The following INPP5A variants were observed in gnomAD, a reference collection of about 807,000 sequenced individuals.
INPP5A encodes the protein inositol polyphosphate-5-phosphatase A.
A neutral mutation model predicts 65.2 loss-of-function variants in INPP5A; 14 were observed. That is an observed-to-expected ratio of 0.21 (90% CI 0.14 to 0.34). INPP5A has a LOEUF of 0.34. Among genes scored for constraint, INPP5A ranks in the 10% least tolerant of loss-of-function variants. The pLI is 1.00. For synonymous variants in INPP5A, 207 were observed against 208.3 expected (o/e 0.99, Z 0.05); for missense variants, 431 against 545.6 (o/e 0.79, Z 2.09).
At chr10:132,573,136 A>C (rs2071369326) in intron 1 of INPP5A, among the ~76,000 whole-genome samples, 1 of 103,218 alleles carries the variant, frequency 9.7e-6, no homozygotes. Flanking sequence ...GGTTTTGTTG[A>C]GATGTTGGGG....
At chr10:132,716,169 C>G (rs1428488839) in intron 8 of INPP5A, among the ~76,000 whole-genome samples, 1 of 152,230 alleles carries the variant, frequency 6.6e-6, no homozygotes. Context: ...CCTGCACGTT[C>G]TCCGCATGTT....
At chr10:132,561,764 C>G (rs961779078) in intron 1 of INPP5A, among the ~76,000 whole-genome samples, 4 of 122,564 alleles carry the variant, frequency 3.3e-5, no homozygotes, top group Non-Finnish European at 5.2e-5. Flanking sequence ...ACACACACAA[C>G]CCTGCTGGAA....
chr10:132,747,675 G>T (rs1723020382), intron 9 of INPP5A, among the ~76,000 whole-genome samples: 1 of 152,250 alleles, frequency 6.6e-6, no homozygotes, highest in Admixed American at 6.5e-5. Flanking sequence ...CCCTTTCAGG[G>T]AGAAATTTTT....
intron 1 of INPP5A, among the ~76,000 whole-genome samples, chr10:132,606,034 T>G (rs959399617): frequency 5.3e-5 from 8 of 152,126 alleles, no homozygotes; most frequent in African/African-American, 1.9e-4. Flanking sequence ...CTGGAGCGCG[T>G]GTTACTGGGG....
In INPP5A at chr10:132,558,964, C is replaced by T. The variant is rs529174804; in HGVS notation, c.75+20793C>T. 2.6e-4 allele frequency among the ~76,000 whole-genome samples: 39 copies of T among 152,320 alleles called. No individual in the cohort carries two copies. The East Asian group carries it at 7.0e-3, about 27-fold the overall frequency. The stretch of plus-strand genomic sequence containing the variant: ...CTCTGCTCACGGTGCCCACCCTGGT[C>T]GAGCCCAGCCAGCTGGAGCCTTCCT... On this transcript the variant is annotated intron_variant, in intron 1 of 15. Coordinates refer to ENST00000368594, the MANE Select transcript of INPP5A (RefSeq NM_005539.5).
intron 1 of INPP5A, among the ~76,000 whole-genome samples, chr10:132,558,818 C>G (rs1250153696): frequency 6.6e-6 from 1 of 152,252 alleles, no homozygotes; most frequent in Non-Finnish European, 1.5e-5. Context: ...TTGAAGCCGG[C>G]AGTCGCCTTG....
At chr10:132,713,012 TG>T (rs1376189197) in intron 8 of INPP5A, among the ~76,000 whole-genome samples, 1 of 147,926 alleles carries the variant, frequency 6.8e-6, no homozygotes, top group Non-Finnish European at 1.5e-5. Flanking sequence ...GCATGTGTGC[TG>T]GGGTGTATGT....
intron 13 of INPP5A, among the ~76,000 whole-genome samples, chr10:132,778,282 A>ATTTTT (rs1258791183): frequency 4.9e-5 from 3 of 61,746 alleles, no homozygotes; most frequent in Non-Finnish European, 1.1e-4. Context: ...ATTTCCTGTG[A>ATTTTT]TTTTTTTTTT....
rs149101292 is a variant in INPP5A at position 132,740,714 on chromosome 10, A to G, written c.733-8803A>G. ...GTATAACCCTTCTTTATTTCTAGAC[A>G]TGTTTCTGGTTAAAATTTAACCAAA... is the stretch of plus-strand genomic sequence containing the variant. On this transcript the variant is annotated intron_variant, in intron 9 of 15. Transcript: ENST00000368594. Among the ~76,000 whole-genome samples the G allele has an allele frequency of 3.9e-5, 6 of 152,268 alleles. No homozygotes were observed. The East Asian group carries it at 1.2e-3, about 29-fold the overall frequency.
chr10:132,765,738 A>G (rs1846830379), intron 11 of INPP5A, 35 bp from the exon 12 acceptor site: 1 of 1,386,868 alleles, frequency 7.2e-7, no homozygotes. Context: ...AGGAAAACCA[A>G]TGTGACTTTA....
At chr10:132,642,970 G>C (rs2072446036) in intron 2 of INPP5A, among the ~76,000 whole-genome samples, 1 of 152,206 alleles carries the variant, frequency 6.6e-6, no homozygotes, top group Non-Finnish European at 1.5e-5. Context: ...TACAAAGCAG[G>C]TGTTGCCAGG....
Position 132,705,457 on chromosome 10 carries a change from G to A in INPP5A, c.475-2856G>A, listed in dbSNP as rs912383918. On this transcript the variant is annotated intron_variant, in intron 6 of 15. Transcript: ENST00000368594. This position sits in a 1 kb window ranked among gnomAD's most constrained non-coding sequence, Gnocchi z 4.9. ...TTGTTTGGCAAGCAGGGCAGCCTGA[G>A]CACAGCAGGGGATGTGGGCTCAGTA... 2.6e-5 allele frequency among the ~76,000 whole-genome samples: 4 copies of A among 152,234 alleles called. No individual in the cohort carries two copies. Among genetic ancestry groups the A allele is most frequent in the Non-Finnish European group, 5.9e-5 (4 of 68,034 alleles).
intron 6 of INPP5A, 66 bp from the exon 7 acceptor site, chr10:132,708,247 G>A: frequency 2.8e-6 from 4 of 1,424,546 alleles, no homozygotes; most frequent in South Asian, 2.3e-5. Context: ...CTTTAGGTGT[G>A]TGGGACCCAC....
Position 132,749,562 on chromosome 10 carries a change from A to G in INPP5A, c.778A>G (p.Thr260Ala). ...ATMQTVRAADTNEVVKLIFRE... is the reference protein window; with the variant it reads ...ATMQTVRAADANEVVKLIFRE... ...CATGCAGACGGTCCGGGCCGCCGAC[A>G]CCAATGAAGTGGTGAAGCTCATATT... is the stretch of plus-strand genomic sequence containing the variant. The change falls in exon 10 of 16, where the codon ACC (threonine) becomes GCC (alanine). Residue 260 changes from threonine (T) to alanine (A), a missense_variant. Coordinates refer to ENST00000368594, the MANE Select transcript of INPP5A (RefSeq NM_005539.5). 1 of 1,613,020 alleles carries G rather than the reference A, an allele frequency of 6.2e-7. No homozygotes were observed. The highest frequency in any genetic ancestry group is 8.5e-7 in the Non-Finnish European group (1 of 1,180,014).
intron 2 of INPP5A, among the ~76,000 whole-genome samples, chr10:132,609,103 G>A (rs2071905232): frequency 6.6e-6 from 1 of 152,234 alleles, no homozygotes; most frequent in East Asian, 1.9e-4. Flanking sequence ...TGTGTGCTTA[G>A]CACCTATGTG....
chr10:132,667,923 A>C (rs912171996), intron 4 of INPP5A, among the ~76,000 whole-genome samples: 12 of 152,220 alleles, frequency 7.9e-5, no homozygotes, highest in African/African-American at 2.4e-4. Context: ...GCCGCCATGC[A>C]CCAATTCTCC....
Position 132,549,904 on chromosome 10 carries a change from G to A in INPP5A, c.75+11733G>A, listed in dbSNP as rs145027349. 0.019 allele frequency among the ~76,000 whole-genome samples: 2,874 copies of A among 150,436 alleles called. 80 individuals carry two copies. The highest frequency in any genetic ancestry group is 0.065 in the African/African-American group (2,649 of 40,538). On this transcript the variant is annotated intron_variant, in intron 1 of 15. Transcript: ENST00000368594. This position sits in a 1 kb window ranked among gnomAD's most constrained non-coding sequence, Gnocchi z 4.9. ...GGCATTAGGGGATGGGGTCAGCCTCGAGTTACTAACCGGGCATTAGGGGAT... is the reference window on the plus strand; with the variant it reads ...GGCATTAGGGGATGGGGTCAGCCTCAAGTTACTAACCGGGCATTAGGGGAT...
chr10:132,728,258 C>T (rs985730204), intron 9 of INPP5A, among the ~76,000 whole-genome samples: 1 of 152,244 alleles, frequency 6.6e-6, no homozygotes, highest in African/African-American at 2.4e-5. Flanking sequence ...TTAAAGCACA[C>T]ATCCCCCAGC....
rs1182755273 is a variant in INPP5A at position 132,704,015 on chromosome 10, CCACACACGCGTGGCTTCACCCCCA to C, written c.475-4288_475-4265del. Among the ~76,000 whole-genome samples, 3 of 137,372 alleles carry C rather than the reference CCACACACGCGTGGCTTCACCCCCA, an allele frequency of 2.2e-5. No individual in the cohort carries two copies. The highest frequency in any genetic ancestry group is 2.1e-4 in the Admixed American group (3 of 13,974). The allele number at this position is 137,372 out of a possible 152,430, so 90.1% of individuals were successfully genotyped here. A position where few individuals can be genotyped will look rare whatever the true frequency, so the allele number is the denominator to read the frequency against. On this transcript the variant is annotated intron_variant, in intron 6 of 15. Transcript: ENST00000368594. This position sits in a 1 kb window ranked among gnomAD's most constrained non-coding sequence, Gnocchi z 4.5. ...CACACACACGCACGGCTTCACCCCC[CCACACACGCGTGGCTTCACCCCCA>C]CACACACGCAGCTTCACCCGCATGG...
Sources: allele counts gnomAD v4.1 joint callset (sites outside exome capture counted in the v4.1 genomes callset), GRCh38; gene constraint gnomAD v4.1.1; non-coding constraint Gnocchi (gnomAD v3.1); transcripts MANE v1.5; gene names NCBI Gene and HGNC (gene_info 2026-07-23, HGNC 2026-07-21).